EEF2K: variants seen among roughly 807,000 people sequenced by gnomAD.
EEF2K encodes eukaryotic elongation factor 2 kinase, also known as alternative protein EEF2K.
In EEF2K, 70 loss-of-function variants were observed where a neutral mutation model predicts 93.8. That is an observed-to-expected ratio of 0.75 (90% CI 0.62 to 0.91). The LOEUF (loss-of-function observed/expected upper bound fraction) is 0.91, where lower values mean the gene tolerates loss of function less well. Among genes scored for constraint, EEF2K ranks in the 40% least tolerant of loss-of-function variants. The probability of loss-of-function intolerance (pLI) is 0.00; values close to 1 mark genes in which losing one functional copy is unlikely to be tolerated. For synonymous variants in EEF2K, 376 were observed against 380.8 expected, an observed-to-expected ratio of 0.99 and a Z score of 0.15; for missense variants, 935 against 972.9, an observed-to-expected ratio of 0.96 and a Z score of 0.52.
intron 6 of EEF2K, among the ~76,000 whole-genome samples, chr16:22,254,580 A>C (rs2047381879): frequency 6.6e-6 from 1 of 152,130 alleles, no homozygotes; most frequent in South Asian, 2.1e-4. Flanking sequence ...TAGAGTCCCT[A>C]ATCTCCCCTA....
rs2047744289 is a variant in EEF2K at position 22,285,358 on chromosome 16, CTT to C, written c.*1363_*1364del. 1 of 152,146 alleles carries C rather than the reference CTT, an allele frequency of 6.6e-6. No homozygotes were observed. Among genetic ancestry groups the C allele is most frequent in the Admixed American group, 6.5e-5 (1 of 15,268 alleles). The allele number at this position is 152,146 out of a possible 1,614,324, so 9.4% of individuals were successfully genotyped here. On this transcript the variant is annotated 3_prime_UTR_variant, in exon 18 of 18. Transcript: ENST00000263026. ...AGCAGGACGCTTTCAGCAGCAGTCTCTTGGGATTTTATCTAAGATGTTTGAGG... is the reference window on the plus strand; with the variant it reads ...AGCAGGACGCTTTCAGCAGCAGTCTCGGGATTTTATCTAAGATGTTTGAGG...
intron 1 of EEF2K, among the ~76,000 whole-genome samples, chr16:22,217,744 T>G (rs1326737535): frequency 6.6e-6 from 1 of 152,190 alleles, no homozygotes; most frequent in Admixed American, 6.6e-5. Flanking sequence ...TGAGCCACCG[T>G]GCCTGGCTGG....
At chr16:22,251,400 A>C in intron 6 of EEF2K, 78 bp downstream of exon 6, 2 of 1,486,422 alleles carry the variant, frequency 1.3e-6, no homozygotes, top group Non-Finnish European at 1.8e-6. Context: ...GCCATGGTGA[A>C]TCCCTATTTC....
intron 1 of EEF2K, 59 bp from the exon 2 acceptor site, chr16:22,225,595 G>A (rs1298070525): frequency 1.1e-5 from 15 of 1,365,956 alleles, no homozygotes; most frequent in East Asian, 4.8e-5. Flanking sequence ...GGTGAGGGTC[G>A]GGCGAATTCG....
intron 6 of EEF2K, among the ~76,000 whole-genome samples, chr16:22,254,196 G>C (rs542608502): frequency 1.3e-5 from 2 of 152,134 alleles, no homozygotes; most frequent in Non-Finnish European, 2.9e-5. Flanking sequence ...GTTTGAGAAG[G>C]TGCTGGTTGT....
rs1472919428 is a variant in EEF2K at position 22,206,563 on chromosome 16, ACT to A, written c.-189_-188del. 1 of 139,834 alleles carries A rather than the reference ACT, an allele frequency of 7.2e-6. No individual in the cohort carries two copies. Among genetic ancestry groups the A allele is most frequent in the Non-Finnish European group, 1.6e-5 (1 of 64,140 alleles). The allele number at this position is 139,834 out of a possible 1,614,324, so 8.7% of individuals were successfully genotyped here. On this transcript the variant is annotated 5_prime_UTR_variant, in exon 1 of 18. Transcript: ENST00000263026. The stretch of plus-strand genomic sequence containing the variant: ...CGCTCCCCGCTCTCCGCTCCCCGGC[ACT>A]CTCGGGGGGCCCGCCCGCCCTGCAC...
intron 2 of EEF2K, among the ~76,000 whole-genome samples, chr16:22,233,276 G>A (rs534607302): frequency 6.6e-6 from 1 of 152,158 alleles, no homozygotes; most frequent in African/African-American, 2.4e-5. Flanking sequence ...GGATTAGGAG[G>A]GACTGTGTTC....
chr16:22,272,347 T>C (rs2047590067), intron 15 of EEF2K, among the ~76,000 whole-genome samples: 1 of 152,216 alleles, frequency 6.6e-6, no homozygotes, highest in African/African-American at 2.4e-5. Context: ...TATTATTTGA[T>C]CATAAAAAGG....
chr16:22,250,550 G>T, intron 4 of EEF2K, 104 bp from the exon 5 acceptor site: 1 of 1,398,540 alleles, frequency 7.2e-7, no homozygotes, highest in East Asian at 2.3e-5. Context: ...ATGAGGCCCA[G>T]GGCACCCATT....
intron 1 of EEF2K, among the ~76,000 whole-genome samples, chr16:22,216,432 TTGA>T (rs973606671): frequency 6.6e-6 from 1 of 152,082 alleles, no homozygotes; most frequent in African/African-American, 2.4e-5. Context: ...CTTTTTGAGG[TTGA>T]TAAGCTTTTG....
At chr16:22,279,739 A>G (rs2047674672) in intron 16 of EEF2K, among the ~76,000 whole-genome samples, 1 of 152,064 alleles carries the variant, frequency 6.6e-6, no homozygotes, top group Non-Finnish European at 1.5e-5. Context: ...TCATGCCTGT[A>G]ATCTCAGCAC....
intron 1 of EEF2K, among the ~76,000 whole-genome samples, chr16:22,218,953 A>AG (rs1267636355): frequency 6.0e-5 from 9 of 149,560 alleles, no homozygotes; most frequent in Non-Finnish European, 1.0e-4. Context: ...AAAAAAAAAA[A>AG]GAGAAAAAAG....
At chr16:22,260,998 G>C (rs1369004788) in intron 11 of EEF2K, among the ~76,000 whole-genome samples, 3 of 152,134 alleles carry the variant, frequency 2.0e-5, no homozygotes, top group Non-Finnish European at 1.5e-5. Flanking sequence ...GAAACTGAAG[G>C]CATCTTATCT....
At chr16:22,277,344 A>G (rs2047647263) in intron 16 of EEF2K, among the ~76,000 whole-genome samples, 1 of 152,164 alleles carries the variant, frequency 6.6e-6, no homozygotes. Context: ...CATGTTGCCC[A>G]GGCTGGCCTC....
rs1230290443 is a variant in EEF2K, at chr16:22,225,713, A to G, written c.-17A>G. The G allele has an allele frequency of 1.2e-6, 2 of 1,611,928 alleles. No individual in the cohort carries two copies. The highest frequency in any genetic ancestry group is 1.7e-6 in the Non-Finnish European group (2 of 1,178,790). ...CTGTGCCGGATACTGCTTGGGTAAA[A>G]CGGGCACCCCAGGAACATGGCAGAC... On this transcript the variant is annotated 5_prime_UTR_variant, in exon 2 of 18. Transcript: ENST00000263026.
intron 2 of EEF2K, among the ~76,000 whole-genome samples, chr16:22,233,986 C>T (rs1157356309): frequency 6.6e-6 from 1 of 152,208 alleles, no homozygotes; most frequent in East Asian, 1.9e-4. Context: ...TAGCCAGCCC[C>T]TCCTTGTAGG....
At chr16:22,266,575 C>A in intron 14 of EEF2K, 51 bp downstream of exon 14, 1 of 1,605,422 alleles carries the variant, frequency 6.2e-7, no homozygotes, top group East Asian at 2.2e-5. Flanking sequence ...CTGGAGCCCC[C>A]CAGCTCCAGC....
chr16:22,230,300 A>G (rs1212008498), intron 2 of EEF2K, among the ~76,000 whole-genome samples: 1 of 150,722 alleles, frequency 6.6e-6, no homozygotes, highest in Admixed American at 6.6e-5. Context: ...TGCAACCTCC[A>G]CTTCCTAGGT....
chr16:22,233,768 A>T (rs1400275992), intron 2 of EEF2K, among the ~76,000 whole-genome samples: 10 of 152,138 alleles, frequency 6.6e-5, no homozygotes, highest in African/African-American at 2.4e-4. Context: ...CACCTTATTT[A>T]AAAAAATTTC....
Sources: allele counts gnomAD v4.1 joint callset (sites outside exome capture counted in the v4.1 genomes callset), GRCh38; gene constraint gnomAD v4.1.1; transcripts MANE v1.5; gene names NCBI Gene and HGNC (gene_info 2026-07-23, HGNC 2026-07-21).